The following BTRC variants were observed in gnomAD, a reference collection of about 807,000 sequenced individuals.
BTRC encodes F-box/WD repeat-containing protein 1A.
Under a neutral mutation model 85.5 loss-of-function variants are expected in BTRC, and 42 were observed. That is an observed-to-expected ratio of 0.49 (90% CI 0.38 to 0.64). The LOEUF (loss-of-function observed/expected upper bound fraction) is 0.64, where lower values mean the gene tolerates loss of function less well. BTRC is among the 30% of genes least tolerant of loss of function. The pLI is 0.00. For synonymous variants in BTRC, 255 were observed against 263.3 expected, an observed-to-expected ratio of 0.97 and a Z score of 0.30; for missense variants, 594 against 743.5, an observed-to-expected ratio of 0.80 and a Z score of 2.34.
rs1307765625 is a variant in BTRC at position 101,550,760 on chromosome 10, A to G, written c.1718A>G (p.His573Arg). The G allele has an allele frequency of 1.9e-6, 3 of 1,613,984 alleles. No homozygotes were observed. The highest frequency in any genetic ancestry group is 1.7e-5 in the Admixed American group (1 of 60,020). ...GAATTCCAGATTGTCAGTAGTTCACATGATGACACAATCCTCATCTGGGAC... is the reference window on the plus strand; with the variant it reads ...GAATTCCAGATTGTCAGTAGTTCACGTGATGACACAATCCTCATCTGGGAC... ...FDEFQIVSSSHDDTILIWDFL... is the reference protein window; with the variant it reads ...FDEFQIVSSSRDDTILIWDFL... Residue 573 changes from histidine to arginine, a missense_variant, in exon 14 of 15, where the codon CAT becomes CGT. Around this residue, in one of 4 missense-constraint regions of BTRC, gnomAD observed 373 missense variants for 503.6 expected, o/e 0.74. Transcript: ENST00000370187.
chr10:101,459,764 C>T (rs72839353), intron 2 of BTRC, among the ~76,000 whole-genome samples: 473 of 152,200 alleles, frequency 3.1e-3, no homozygotes, highest in Non-Finnish European at 5.7e-3. Context: ...ATAATACCCA[C>T]CCAGTGGTTA....
At chr10:101,405,861 G>T (rs1053836861) in intron 1 of BTRC, among the ~76,000 whole-genome samples, 2 of 152,136 alleles carry the variant, frequency 1.3e-5, no homozygotes, top group Non-Finnish European at 2.9e-5. Context: ...CCATCTTAAG[G>T]TCTGTTTTGG....
chr10:101,507,449 G>C (rs777851060), intron 4 of BTRC, among the ~76,000 whole-genome samples: 1 of 152,194 alleles, frequency 6.6e-6, no homozygotes, highest in Admixed American at 6.5e-5. Flanking sequence ...GCTCCGATCC[G>C]GGGAAATGAT....
chr10:101,490,016 A>T (rs978549530), intron 4 of BTRC, among the ~76,000 whole-genome samples: 1 of 152,254 alleles, frequency 6.6e-6, no homozygotes, highest in African/African-American at 2.4e-5. Context: ...CACTTACCCA[A>T]TACACCCTTA....
intron 4 of BTRC, among the ~76,000 whole-genome samples, chr10:101,487,003 A>G (rs1297756704): frequency 6.6e-6 from 1 of 152,216 alleles, no homozygotes; most frequent in Non-Finnish European, 1.5e-5. Context: ...TTATTGAAAC[A>G]TTACATTTTA....
intron 1 of BTRC, among the ~76,000 whole-genome samples, chr10:101,373,165 T>C (rs1441476261): frequency 2.6e-5 from 4 of 152,370 alleles, no homozygotes; most frequent in Middle Eastern, 6.8e-3. Context: ...CTGTGGCCCC[T>C]GTACAAGCTA....
At chr10:101,420,101 T>C (rs905193524) in intron 1 of BTRC, among the ~76,000 whole-genome samples, 7 of 152,132 alleles carry the variant, frequency 4.6e-5, no homozygotes, top group African/African-American at 1.4e-4. Context: ...TACCTAGGAA[T>C]TTCTCGGTGT....
At position 101,533,023 on chromosome 10, in the gene BTRC, G is replaced by A. The variant is rs2062323560; in HGVS notation, c.1050G>A (p.Gln350=). 1 of 1,613,534 alleles carries A rather than the reference G, an allele frequency of 6.2e-7. No individual in the cohort carries two copies. The highest frequency in any genetic ancestry group is 8.5e-7 in the Non-Finnish European group (1 of 1,179,786). ...ATACAGGTTCAGTCCTCTGTCTCCAGTATGATGAGAGAGTGATCATAACAG... is the reference window on the plus strand; with the variant it reads ...ATACAGGTTCAGTCCTCTGTCTCCAATATGATGAGAGAGTGATCATAACAG... ...TGHTGSVLCL[Q]YDERVIITGS... Residue 350 remains glutamine (Q), a synonymous_variant, in exon 9 of 15, where the codon CAG becomes CAA. Coordinates refer to ENST00000370187, the MANE Select transcript of BTRC (RefSeq NM_033637.4).
intron 1 of BTRC, among the ~76,000 whole-genome samples, chr10:101,372,640 G>A (rs1372136487): frequency 2.0e-5 from 3 of 149,686 alleles, no homozygotes; most frequent in Non-Finnish European, 3.0e-5. Flanking sequence ...CGAGGCGGGC[G>A]GATCACCTGA....
chr10:101,519,522 C>G (rs905466450), intron 4 of BTRC, among the ~76,000 whole-genome samples: 2 of 152,230 alleles, frequency 1.3e-5, no homozygotes, highest in Non-Finnish European at 2.9e-5. Flanking sequence ...CCCCCTTCCT[C>G]TTCTGTAACC....
chr10:101,425,468 G>T (rs1944225921), intron 1 of BTRC, among the ~76,000 whole-genome samples: 1 of 152,142 alleles, frequency 6.6e-6, no homozygotes. Flanking sequence ...GTGCTGTGCA[G>T]GGCTGGATTT....
Position 101,375,765 on chromosome 10 carries a change from A to G in BTRC, c.48+21537A>G, listed in dbSNP as rs117058643. On this transcript the variant is annotated intron_variant, in intron 1 of 14. Transcript: ENST00000370187. Reference sequence around the variant, plus strand: ...GGAATTATTTGGAATGCATGTTAAAATGTAGTACAGATTCTTAGTTCTTTT... The same window carrying G: ...GGAATTATTTGGAATGCATGTTAAAGTGTAGTACAGATTCTTAGTTCTTTT... Among the ~76,000 whole-genome samples the G allele has an allele frequency of 3.6e-3, 545 of 152,342 alleles. 10 individuals are homozygous for G. The East Asian group carries it at 0.057, about 16-fold the overall frequency.
At chr10:101,467,204 A>G (rs973749642) in intron 3 of BTRC, among the ~76,000 whole-genome samples, 1 of 151,976 alleles carries the variant, frequency 6.6e-6, no homozygotes, top group East Asian at 1.9e-4. Flanking sequence ...TTAAAAAAAA[A>G]AAAAACACAG....
chr10:101,359,692 T>G (rs1590195858), intron 1 of BTRC, among the ~76,000 whole-genome samples: 1 of 151,930 alleles, frequency 6.6e-6, no homozygotes, highest in African/African-American at 2.4e-5. Context: ...CCTCTGCTTC[T>G]GAGGTTCAAG....
chr10:101,368,464 C>CTT lies in BTRC; in HGVS notation c.48+14267_48+14268dup, dbSNP rs60190021. On this transcript the variant is annotated intron_variant, in intron 1 of 14. Coordinates refer to ENST00000370187, the MANE Select transcript of BTRC (RefSeq NM_033637.4). ...TAGTAGAACCTATGCAACTGTTTTT[C>CTT]TTTTTTTTTTTTTTTTTTTTTTTTT... 1.0e-3 allele frequency among the ~76,000 whole-genome samples: 79 copies of CTT among 75,336 alleles called. 4 individuals carry two copies. The highest frequency in any genetic ancestry group is 4.7e-3 in the African/African-American group (73 of 15,600). The allele number at this position is 75,336 out of a possible 152,430, so 49.4% of individuals were successfully genotyped here.
rs1178003104 is a variant in BTRC at position 101,478,660 on chromosome 10, CG to C, written c.235-707del. 2.0e-5 allele frequency among the ~76,000 whole-genome samples: 3 copies of C among 151,452 alleles called. No individual in the cohort carries two copies. The East Asian group carries it at 5.8e-4, about 29-fold the overall frequency. ...ACAAAAAATTAGCTGGGCGTGGTAG[CG>C]TGCCCCTGTAGTCCCCCACCTACTC... On this transcript the variant is annotated intron_variant, in intron 3 of 14. Coordinates refer to ENST00000370187, the MANE Select transcript of BTRC (RefSeq NM_033637.4).
chr10:101,475,932 T>TGGC (rs1423129097), intron 3 of BTRC, among the ~76,000 whole-genome samples: 1 of 114,606 alleles, frequency 8.7e-6, no homozygotes, highest in Non-Finnish European at 1.9e-5. Context: ...CATATATATA[T>TGGC]ATATATATAT....
In BTRC at chr10:101,534,670, T is replaced by C. The variant is rs985294876; in HGVS notation, c.1107T>C (p.Asp369=). The change falls in exon 10 of 15, where the codon GAT becomes GAC. Residue 369 remains aspartate (D), a synonymous_variant. Coordinates refer to ENST00000370187, the MANE Select transcript of BTRC (RefSeq NM_033637.4). ...CATCTATCACTTCCAGAGTGTGGGATGTAAATACAGGTGAAATGCTAAACA... is the reference window on the plus strand; with the variant it reads ...CATCTATCACTTCCAGAGTGTGGGACGTAAATACAGGTGAAATGCTAAACA... The part of the protein sequence containing the change: ...GSSDSTVRVW[D]VNTGEMLNTL... 3.1e-6 allele frequency: 5 copies of C among 1,614,060 alleles called. No individual in the cohort carries two copies. The Admixed American group carries it at 5.0e-5, about 16-fold the overall frequency.
intron 3 of BTRC, among the ~76,000 whole-genome samples, chr10:101,462,679 C>CAA (rs564048359): frequency 6.0e-5 from 6 of 99,336 alleles, no homozygotes; most frequent in African/African-American, 2.2e-4. Context: ...AACTCCGTCT[C>CAA]AAAAAAAAAA....
Sources: allele counts gnomAD v4.1 joint callset (sites outside exome capture counted in the v4.1 genomes callset), GRCh38; gene constraint gnomAD v4.1.1; regional missense constraint gnomAD v4.1.1; transcripts MANE v1.5; gene names NCBI Gene and HGNC (gene_info 2026-07-23, HGNC 2026-07-21).